The following ARHGAP15 variants were observed in gnomAD, a reference collection of about 807,000 sequenced individuals.
The protein encoded by ARHGAP15 is Rho GTPase activating protein 15.
ARHGAP15 carries 51 observed loss-of-function variants against 63.7 expected under a neutral mutation model. The ratio of observed to expected loss-of-function variants is 0.80; its 90% CI spans 0.64 to 1.01. The LOEUF is 1.01. Ranked by LOEUF, ARHGAP15 falls within the 50% of genes least tolerant of loss-of-function variation. The pLI is 0.00. For synonymous variants in ARHGAP15, 191 were observed against 193.8 expected (o/e 0.99, Z 0.12); for missense variants, 560 against 564.6 (o/e 0.99, Z 0.08).
chr2:143,355,765 G>A lies in ARHGAP15; in HGVS notation c.475-79836G>A, dbSNP rs553205094. ...GAAAAATCAAGATATATTATGTTTG[G>A]TTATGGGCACATTTAACAGTTAAAA... On this transcript the variant is annotated intron_variant, in intron 6 of 13. Transcript: ENST00000295095. Among the ~76,000 whole-genome samples the A allele has an allele frequency of 8.5e-5, 13 of 152,150 alleles. No individual in the cohort carries two copies. The East Asian group carries it at 2.3e-3, about 27-fold the overall frequency.
At chr2:143,222,440 G>A (rs1036090934) in intron 4 of ARHGAP15, among the ~76,000 whole-genome samples, 4 of 152,328 alleles carry the variant, frequency 2.6e-5, no homozygotes, top group Admixed American at 2.0e-4. Context: ...GAAGGCAAAA[G>A]AAAGGTAAGC....
At chr2:143,431,058 G>A (rs1037485232) in intron 6 of ARHGAP15, among the ~76,000 whole-genome samples, 1 of 152,034 alleles carries the variant, frequency 6.6e-6, no homozygotes, top group Non-Finnish European at 1.5e-5. Context: ...CATAGCAAGA[G>A]AGTGCTTGTT....
At chr2:143,678,044 T>C (rs566396196) in intron 12 of ARHGAP15, among the ~76,000 whole-genome samples, 17 of 152,156 alleles carry the variant, frequency 1.1e-4, no homozygotes, top group African/African-American at 3.6e-4. Flanking sequence ...CCTGTGTCTA[T>C]TATACAAAAA....
At chr2:143,379,487 ATGTGTGTGTGTGTGTGTG>A (rs58976215) in intron 6 of ARHGAP15, among the ~76,000 whole-genome samples, 12 of 129,842 alleles carry the variant, frequency 9.2e-5, no homozygotes, top group African/African-American at 8.7e-5. Context: ...AGGCATATAT[ATGTGTGTGTGTGTGTGTG>A]TGTGTGTGTG....
At chr2:143,567,787 G>A (rs1416213149) in intron 11 of ARHGAP15, among the ~76,000 whole-genome samples, 4 of 152,120 alleles carry the variant, frequency 2.6e-5, no homozygotes, top group South Asian at 4.1e-4. Flanking sequence ...CCCATATCTC[G>A]CTGTACCTCA....
At chr2:143,429,534 A>G (rs1689292371) in intron 6 of ARHGAP15, among the ~76,000 whole-genome samples, 1 of 152,140 alleles carries the variant, frequency 6.6e-6, no homozygotes, top group Admixed American at 6.6e-5. Context: ...AATTGCTTAC[A>G]TGGGCAGGTT....
chr2:143,252,202 ACAGT>A (rs993500715), intron 6 of ARHGAP15, among the ~76,000 whole-genome samples: 14 of 152,054 alleles, frequency 9.2e-5, no homozygotes, highest in African/African-American at 3.1e-4. Flanking sequence ...AATGAGGATG[ACAGT>A]CAGCTATATT....
intron 2 of ARHGAP15, among the ~76,000 whole-genome samples, chr2:143,191,560 G>A (rs1433953563): frequency 2.0e-5 from 3 of 152,160 alleles, no homozygotes; most frequent in Non-Finnish European, 2.9e-5. Context: ...TCCCTTGATA[G>A]GACATCTGCT....
chr2:143,263,981 C>G (rs1351586496), intron 6 of ARHGAP15, among the ~76,000 whole-genome samples: 1 of 117,214 alleles, frequency 8.5e-6, no homozygotes, highest in African/African-American at 3.1e-5. Flanking sequence ...ATCCATGAAT[C>G]AGGCTTGAGG....
chr2:143,660,785 C>G (rs1157824423), intron 12 of ARHGAP15, among the ~76,000 whole-genome samples: 1 of 152,204 alleles, frequency 6.6e-6, no homozygotes, highest in African/African-American at 2.4e-5. Context: ...GTAGAAACAA[C>G]AAAGAGAGTT....
intron 12 of ARHGAP15, among the ~76,000 whole-genome samples, chr2:143,642,778 A>G (rs1291858428): frequency 1.3e-5 from 2 of 152,144 alleles, no homozygotes; most frequent in Admixed American, 6.6e-5. Context: ...CATTAAGAGT[A>G]TATGGAGTTT....
intron 2 of ARHGAP15, among the ~76,000 whole-genome samples, chr2:143,188,551 A>C (rs761639856): frequency 6.6e-5 from 10 of 151,330 alleles, no homozygotes; most frequent in Non-Finnish European, 1.2e-4. Context: ...CGCAGTGCAG[A>C]ACATGTAACT....
intron 10 of ARHGAP15, among the ~76,000 whole-genome samples, chr2:143,551,914 C>T (rs1695583267): frequency 6.6e-6 from 1 of 152,154 alleles, no homozygotes; most frequent in African/African-American, 2.4e-5. Flanking sequence ...CTCATTTCAA[C>T]TTAGAGGAGG....
chr2:143,564,785 G>A (rs974529129), intron 11 of ARHGAP15, among the ~76,000 whole-genome samples: 4 of 152,180 alleles, frequency 2.6e-5, no homozygotes, highest in African/African-American at 9.7e-5. Context: ...GATATATTAT[G>A]TATGTTAGTA....
intron 5 of ARHGAP15, among the ~76,000 whole-genome samples, chr2:143,241,720 C>G (rs1693869820): frequency 6.6e-6 from 1 of 152,212 alleles, no homozygotes; most frequent in Admixed American, 6.5e-5. Context: ...CGATTCACCT[C>G]TGCCACAGCG....
intron 12 of ARHGAP15, among the ~76,000 whole-genome samples, chr2:143,626,185 A>G (rs764435473): frequency 4.6e-5 from 7 of 152,212 alleles, no homozygotes; most frequent in Non-Finnish European, 7.3e-5. Flanking sequence ...GCCAACACCT[A>G]TAAAATGGGT....
intron 6 of ARHGAP15, among the ~76,000 whole-genome samples, chr2:143,319,325 T>C (rs1235277515): frequency 6.6e-6 from 1 of 151,574 alleles, no homozygotes; most frequent in Non-Finnish European, 1.5e-5. Context: ...CGCAGGTTCA[T>C]GCAATTCTCC....
chr2:143,472,253 TATAAA>T (rs967485390), intron 8 of ARHGAP15, among the ~76,000 whole-genome samples: 2 of 152,138 alleles, frequency 1.3e-5, no homozygotes, highest in Non-Finnish European at 2.9e-5. Flanking sequence ...AATTAAGGTG[TATAAA>T]ATAAAAGATT....
chr2:143,450,308 G>A (rs1690352492), intron 8 of ARHGAP15, among the ~76,000 whole-genome samples: 1 of 151,650 alleles, frequency 6.6e-6, no homozygotes, highest in South Asian at 2.1e-4. Context: ...TATGAGTGGG[G>A]TCATTAAAAT....
Sources: gnomAD v4.1 joint callset for allele counts (sites outside exome capture counted in the v4.1 genomes callset) on GRCh38, gnomAD v4.1.1 for gene constraint, MANE v1.5 for transcripts, NCBI Gene and HGNC (gene_info 2026-07-23, HGNC 2026-07-21) for gene names.